DOCK10: variants seen among roughly 807,000 people sequenced by gnomAD.
The protein encoded by DOCK10 is dedicator of cytokinesis protein 10.
In DOCK10, 145 loss-of-function variants were observed where a neutral mutation model predicts 280.1. The observed-to-expected ratio is 0.52, with a 90% CI of 0.45 to 0.59. The LOEUF is 0.59. Ranked by LOEUF, DOCK10 falls within the 20% of genes least tolerant of loss-of-function variation. DOCK10 has a pLI of 0.00. For synonymous variants in DOCK10, 915 were observed against 942.2 expected (o/e 0.97, Z 0.53); for missense variants, 2,368 against 2,651.7 (o/e 0.89, Z 2.35).
chr2:225,008,462 G>C (rs1327962925), intron 1 of DOCK10, among the ~76,000 whole-genome samples: 1 of 152,126 alleles, frequency 6.6e-6, no homozygotes, highest in East Asian at 1.9e-4. Context: ...TATTTATTTA[G>C]CATTTATGGG....
At chr2:224,837,907 T>C (rs1268584094) in intron 24 of DOCK10, 76 bp from the exon 25 acceptor site, 26 of 1,124,866 alleles carry the variant, frequency 2.3e-5, no homozygotes, top group Non-Finnish European at 3.2e-5. Context: ...ATTACAGTGC[T>C]TTGTAAATTG....
At chr2:224,811,708 A>G (rs1169743530) in intron 31 of DOCK10, among the ~76,000 whole-genome samples, 1 of 152,178 alleles carries the variant, frequency 6.6e-6, no homozygotes, top group African/African-American at 2.4e-5. Flanking sequence ...ATATATGGCT[A>G]GCCAGTTTTC....
chr2:224,830,678 T>C (rs1695167864), intron 26 of DOCK10, 66 bp from the exon 27 acceptor site: 1 of 913,034 alleles, frequency 1.1e-6, no homozygotes, highest in Non-Finnish European at 1.6e-6. Flanking sequence ...AATTTTTTCT[T>C]TGCAATATGT....
chr2:224,818,003 C>CTTAA (rs1694248502), intron 29 of DOCK10, among the ~76,000 whole-genome samples: 1 of 152,184 alleles, frequency 6.6e-6, no homozygotes, highest in Non-Finnish European at 1.5e-5. Flanking sequence ...GTCTTCTCTC[C>CTTAA]TTAAGAGGCA....
intron 17 of DOCK10, 82 bp downstream of exon 17, chr2:224,852,853 G>C (rs1696840103): frequency 1.6e-6 from 2 of 1,223,440 alleles, no homozygotes; most frequent in African/African-American, 3.0e-5. Flanking sequence ...ATAGTAATTT[G>C]TATTTGCACA....
At chr2:224,923,233 C>A (rs1025129441) in intron 2 of DOCK10, among the ~76,000 whole-genome samples, 4 of 152,172 alleles carry the variant, frequency 2.6e-5, no homozygotes, top group African/African-American at 9.6e-5. Context: ...GTCATTCCAG[C>A]CAAGTTAAGC....
chr2:225,005,891 AT>A (rs1217222213), intron 1 of DOCK10, among the ~76,000 whole-genome samples: 1 of 152,200 alleles, frequency 6.6e-6, no homozygotes, highest in Non-Finnish European at 1.5e-5. Context: ...ACCACCCAAA[AT>A]AATTTAGAGA....
intron 1 of DOCK10, among the ~76,000 whole-genome samples, chr2:225,025,171 T>C (rs1251617485): frequency 2.0e-5 from 3 of 152,140 alleles, no homozygotes. Flanking sequence ...AGGGAAGGAT[T>C]CTTGAGGAGA....
chr2:224,855,905 G>GT (rs1458213834), intron 15 of DOCK10, among the ~76,000 whole-genome samples: 2 of 152,056 alleles, frequency 1.3e-5, no homozygotes, highest in Non-Finnish European at 2.9e-5. Flanking sequence ...AAACACAAAG[G>GT]TAATAAGTAT....
At position 224,792,999 on chromosome 2, in the gene DOCK10, T is replaced by C. The variant is rs1692305785; in HGVS notation, c.5286A>G (p.Ser1762=). The C allele has an allele frequency of 6.2e-7, 1 of 1,611,080 alleles. No individual in the cohort carries two copies. Among genetic ancestry groups the C allele is most frequent in the African/African-American group, 1.3e-5 (1 of 74,884 alleles). ...SEDTHPCDSN[S]LLTTPSGGSM... The stretch of plus-strand genomic sequence containing the variant: ...TTCCTCCACTGGGAGTTGTTAGTAA[T>C]GAGTTGCTATCACAGGGGTGGGTAT... The change falls in exon 47 of 56, where the codon TCA becomes TCG. Residue 1762 remains serine (S), a synonymous_variant. Transcript: ENST00000258390.
At position 224,823,515 on chromosome 2, in the gene DOCK10, C is replaced by T; in HGVS notation, c.3169G>A (p.Ala1057Thr). 6.3e-7 allele frequency: 1 copy of T among 1,598,074 alleles called. No homozygotes were observed. ...EETRRANHSV[A>T]RFLKRCFTFM... Reference sequence around the variant, plus strand: ...TATAACTGTACCTTGAGAAATCTGGCAACGCTGTGGTTTGCCCTTCTTGTT... The same window carrying T: ...TATAACTGTACCTTGAGAAATCTGGTAACGCTGTGGTTTGCCCTTCTTGTT... The change falls in exon 28 of 56, where the codon GCC becomes ACC. Residue 1057 changes from alanine (A) to threonine (T), a missense_variant. This residue lies in a region of DOCK10 where 1,159 missense variants were observed against 1,400.8 expected (regional missense o/e 0.83). Transcript: ENST00000258390.
intron 21 of DOCK10, 39 bp downstream of exon 21, chr2:224,845,164 G>A (rs757278453): frequency 3.8e-5 from 59 of 1,541,750 alleles, no homozygotes; most frequent in Admixed American, 3.1e-4. Flanking sequence ...TTAAGCTGGT[G>A]TGCTTTTTTA....
rs372621600 is a variant in DOCK10, at chr2:225,035,572, AT to A, written c.123+6679del. Among the ~76,000 whole-genome samples, 383 of 69,960 alleles carry A rather than the reference AT, an allele frequency of 5.5e-3. 19 individuals are homozygous for A. The highest frequency in any genetic ancestry group is 0.017 in the African/African-American group (343 of 20,084). 45.9% of individuals were successfully genotyped at this position (69,960 alleles called of 152,430 possible). A position where few individuals can be genotyped will look rare whatever the true frequency, so the allele number is the denominator to read the frequency against. ...TATATATATATATATATATATATAT[AT>A]ATATATATATATATAACACTGAATC... On this transcript the variant is annotated intron_variant, in intron 1 of 55. Transcript: ENST00000258390.
rs766366902 is a variant in DOCK10 at position 224,885,711 on chromosome 2, T to C, written c.707A>G (p.Lys236Arg). Residue 236 changes from lysine (K) to arginine (R), a missense_variant, in exon 7 of 56, where the codon AAA (lysine) becomes AGA (arginine). Transcript: ENST00000258390. ...ACAGGAATCCAAAAAGATGCATCCT[T>C]TGGGTTCTTTGGATATTTTCTCATC... is the stretch of plus-strand genomic sequence containing the variant. Reference protein sequence around the residue: ...YKDEKISKEPKGCIFLDSCTG... With the variant: ...YKDEKISKEPRGCIFLDSCTG... 3.1e-6 allele frequency: 5 copies of C among 1,613,396 alleles called. No individual in the cohort carries two copies. In the South Asian group the frequency reaches 5.5e-5, roughly 18 times the overall value.
intron 1 of DOCK10, among the ~76,000 whole-genome samples, chr2:224,959,192 A>C (rs751255247): frequency 6.6e-6 from 1 of 152,164 alleles, no homozygotes; most frequent in Non-Finnish European, 1.5e-5. Flanking sequence ...GGCAGAGTGC[A>C]TCTCACTGCA....
intron 1 of DOCK10, among the ~76,000 whole-genome samples, chr2:224,967,240 C>T (rs34066761): frequency 0.23 from 35,093 of 151,994 alleles, 4,647 homozygotes; most frequent in East Asian, 0.32. Flanking sequence ...CCACCATGTC[C>T]GGCTAATTTT....
intron 25 of DOCK10, among the ~76,000 whole-genome samples, chr2:224,836,480 G>A (rs182657736): frequency 2.6e-4 from 40 of 152,206 alleles, no homozygotes; most frequent in Admixed American, 2.6e-3. Flanking sequence ...TAACATTTCT[G>A]GCAGATAGAA....
chr2:225,007,454 C>T (rs1689307179), intron 1 of DOCK10, among the ~76,000 whole-genome samples: 1 of 152,098 alleles, frequency 6.6e-6, no homozygotes, highest in African/African-American at 2.4e-5. Context: ...TTCCCACATG[C>T]AAGTTAAGTC....
chr2:224,861,750 A>G (rs1697513383), intron 14 of DOCK10: 1 of 152,162 alleles, frequency 6.6e-6, no homozygotes, highest in Non-Finnish European at 1.5e-5. Flanking sequence ...CTTATTTGCC[A>G]CCACACCTGG....
Sources: gnomAD v4.1 joint callset for allele counts (sites outside exome capture counted in the v4.1 genomes callset) on GRCh38, gnomAD v4.1.1 for gene constraint, gnomAD v4.1.1 regional missense constraint, MANE v1.5 for transcripts, NCBI Gene and HGNC (gene_info 2026-07-23, HGNC 2026-07-21) for gene names.